The following MEOX1 variants were observed in gnomAD, a reference collection of about 807,000 sequenced individuals.
MEOX1 encodes mesenchyme homeobox 1, also known as homeobox protein MOX-1.
Under a neutral mutation model 23.2 loss-of-function variants are expected in MEOX1, and 17 were observed. That is an observed-to-expected ratio of 0.73 (90% CI 0.50 to 1.10). MEOX1 has a LOEUF of 1.10. Ranked by LOEUF, MEOX1 falls within the 50% of genes least tolerant of loss-of-function variation. MEOX1 has a pLI of 0.00. For synonymous variants in MEOX1, 134 were observed against 135.1 expected (o/e 0.99, Z 0.06); for missense variants, 333 against 332.2 (o/e 1.00, Z -0.02).
At chr17:43,656,554 C>G (rs763642768) in intron 1 of MEOX1, among the ~76,000 whole-genome samples, 1 of 152,120 alleles carries the variant, frequency 6.6e-6, no homozygotes, top group Non-Finnish European at 1.5e-5. Flanking sequence ...GGCAGGACAG[C>G]TCTGGGAACA....
rs748918025 is a variant in MEOX1 at position 43,661,037 on chromosome 17, G to T, written c.469+29C>A. ...ACTTCCCCAGGGTCACACAGTAAAG[G>T]AATGATCAGCTGCTCCTGAGCCACC... is the stretch of plus-strand genomic sequence containing the variant. On this transcript the variant is annotated intron_variant, in intron 1 of 2. Transcript: ENST00000318579. 35 of 1,409,194 alleles carry T rather than the reference G, an allele frequency of 2.5e-5. No homozygotes were observed. In the East Asian group the frequency reaches 8.0e-4, roughly 32 times the overall value. 87.3% of individuals were successfully genotyped at this position (1,409,194 alleles called of 1,614,324 possible). A position where few individuals can be genotyped will look rare whatever the true frequency, so the allele number is the denominator to read the frequency against.
At position 43,641,950 on chromosome 17, in the gene MEOX1, G is replaced by A; in HGVS notation, c.725C>T (p.Pro242Leu). ...GQPISPNGQDPEDGDSTASPS... is the reference protein window; with the variant it reads ...GQPISPNGQDLEDGDSTASPS... ...AGAGGCTGTGGAGTCCCCATCCTCA[G>A]GGTCCTGCCCATTGGGGGAGATGGG... The change falls in exon 3 of 3, where the codon CCT becomes CTT. Residue 242 changes from proline to leucine, a missense_variant. Pro to Leu is a moderately conservative substitution (Grantham distance 98, BLOSUM62 -3). Coordinates refer to ENST00000318579, the MANE Select transcript of MEOX1 (RefSeq NM_004527.4). 1 of 1,614,034 alleles carries A rather than the reference G, an allele frequency of 6.2e-7. No homozygotes were observed. The highest frequency in any genetic ancestry group is 8.5e-7 in the Non-Finnish European group (1 of 1,179,966).
chr17:43,648,193 G>T (rs1966347), intron 1 of MEOX1, among the ~76,000 whole-genome samples: 23,880 of 152,206 alleles, frequency 0.16, 2,099 homozygotes, highest in East Asian at 0.22. Context: ...GCTGGGTGGG[G>T]CGCAGGTGGC....
At chr17:43,651,274 G>A (rs1301919537) in intron 1 of MEOX1, among the ~76,000 whole-genome samples, 1 of 152,130 alleles carries the variant, frequency 6.6e-6, no homozygotes, top group African/African-American at 2.4e-5. Context: ...AGCCTAGATC[G>A]TGCCACTGCA....
intron 1 of MEOX1, among the ~76,000 whole-genome samples, chr17:43,652,858 GTC>G (rs1418040083): frequency 8.3e-6 from 1 of 120,230 alleles, no homozygotes; most frequent in Non-Finnish European, 1.6e-5. Flanking sequence ...TTGAGACGGA[GTC>G]TCACTCTGTC....
Position 43,661,660 on chromosome 17 carries a change from AC to A in MEOX1, c.-127del. On this transcript the variant is annotated 5_prime_UTR_variant, in exon 1 of 3. Coordinates refer to ENST00000318579, the MANE Select transcript of MEOX1 (RefSeq NM_004527.4). ...GGGAAAAATGTTCAACAGAAAATTTACCCCAGGAACCAAAAAAAAAAAAAAA... is the reference window on the plus strand; with the variant it reads ...GGGAAAAATGTTCAACAGAAAATTTACCCAGGAACCAAAAAAAAAAAAAAA... 1 of 526,352 alleles carries A rather than the reference AC, an allele frequency of 1.9e-6. No individual in the cohort carries two copies. The highest frequency in any genetic ancestry group is 3.0e-6 in the Non-Finnish European group (1 of 332,438). The allele number at this position is 526,352 out of a possible 1,614,324, so 32.6% of individuals were successfully genotyped here.
In MEOX1 at chr17:43,661,321, G is replaced by T. The variant is rs1300472832; in HGVS notation, c.214C>A (p.His72Asn). 1 of 1,613,144 alleles carries T rather than the reference G, an allele frequency of 6.2e-7. No individual in the cohort carries two copies. Among genetic ancestry groups the T allele is most frequent in the Non-Finnish European group, 8.5e-7 (1 of 1,179,460 alleles). Residue 72 changes from histidine (H) to asparagine (N), a missense_variant, in exon 1 of 3, where the codon CAC becomes AAC. His to Asn is a moderately conservative substitution (Grantham distance 68). Transcript: ENST00000318579. Reference protein sequence around the residue: ...FSASCLAATPHSLPQEEHIFT... With the variant: ...FSASCLAATPNSLPQEEHIFT... The stretch of plus-strand genomic sequence containing the variant: ...ATGTGCTCCTCCTGGGGCAGGCTGT[G>T]TGGGGTGGCTGCCAGGCAGGAGGCT...
At chr17:43,654,145 T>C (rs1171478300) in intron 1 of MEOX1, among the ~76,000 whole-genome samples, 1 of 152,190 alleles carries the variant, frequency 6.6e-6, no homozygotes, top group Non-Finnish European at 1.5e-5. Flanking sequence ...TATTTGGACA[T>C]AGGGCCTTTA....
chr17:43,645,399 G>T (rs1049717457), intron 1 of MEOX1, among the ~76,000 whole-genome samples: 1 of 152,014 alleles, frequency 6.6e-6, no homozygotes, highest in African/African-American at 2.4e-5. Context: ...GGATGATCTC[G>T]ATCTCCTGAC....
rs1051616972 is a variant in MEOX1 at position 43,641,043 on chromosome 17, C to G, written c.*867G>C. 2.6e-5 allele frequency: 4 copies of G among 152,120 alleles called. No individual in the cohort carries two copies. Among genetic ancestry groups the G allele is most frequent in the African/African-American group, 7.2e-5 (3 of 41,400 alleles). 9.4% of individuals were successfully genotyped at this position (152,120 alleles called of 1,614,324 possible). ...GTTGTTCAGCCCAACAACTCAGCAT[C>G]TGGACAGGTTTTCAATCCAGAAATC... On this transcript the variant is annotated 3_prime_UTR_variant, in exon 3 of 3. Coordinates refer to ENST00000318579, the MANE Select transcript of MEOX1 (RefSeq NM_004527.4).
chr17:43,660,538 C>T (rs920118573), intron 1 of MEOX1, among the ~76,000 whole-genome samples: 4 of 152,206 alleles, frequency 2.6e-5, no homozygotes, highest in African/African-American at 4.8e-5. Flanking sequence ...CCATCCCAGC[C>T]GCAGGCCTGC....
At chr17:43,643,379 G>T in intron 2 of MEOX1, 109 bp downstream of exon 2, 1 of 1,068,196 alleles carries the variant, frequency 9.4e-7, no homozygotes, top group Non-Finnish European at 1.3e-6. Flanking sequence ...AAAACCGCTG[G>T]ACTGGCTGGA....
intron 1 of MEOX1, among the ~76,000 whole-genome samples, chr17:43,648,811 T>C (rs1379083063): frequency 6.6e-6 from 1 of 152,228 alleles, no homozygotes; most frequent in Non-Finnish European, 1.5e-5. Context: ...GTGTGCTCTG[T>C]TCCAAAGCCC....
intron 1 of MEOX1, among the ~76,000 whole-genome samples, chr17:43,655,332 G>A (rs1225830518): frequency 6.6e-6 from 1 of 151,826 alleles, no homozygotes; most frequent in East Asian, 2.0e-4. Context: ...TTAGCTGGGC[G>A]TGGTGGCGTG....
intron 1 of MEOX1, among the ~76,000 whole-genome samples, chr17:43,660,564 C>A (rs569772525): frequency 6.6e-6 from 1 of 152,222 alleles, no homozygotes; most frequent in African/African-American, 2.4e-5. Context: ...TGCCTCTAGG[C>A]TCCTGGACAC....
chr17:43,643,595 T>C lies in MEOX1; in HGVS notation c.535A>G (p.Thr179Ala). ...SKARKERTAF[T>A]KEQLRELEAE... ...TCCAGCTCTCGCAGCTGCTCCTTGG[T>C]GAAGGCCGTCCTCTCCTTGCGGGCT... The change falls in exon 2 of 3, where the codon ACC (threonine) becomes GCC (alanine). Residue 179 changes from threonine to alanine, a missense_variant. By Grantham distance (58) the Thr-to-Ala change is moderately conservative. Coordinates refer to ENST00000318579, the MANE Select transcript of MEOX1 (RefSeq NM_004527.4). 5 of 1,613,442 alleles carry C rather than the reference T, an allele frequency of 3.1e-6. No individual in the cohort carries two copies. Among genetic ancestry groups the C allele is most frequent in the Non-Finnish European group, 4.2e-6 (5 of 1,179,898 alleles).
intron 1 of MEOX1, among the ~76,000 whole-genome samples, chr17:43,645,710 G>A (rs897204788): frequency 6.6e-6 from 1 of 152,244 alleles, no homozygotes; most frequent in African/African-American, 2.4e-5. Flanking sequence ...AGTCGGCTAA[G>A]CAGCCGCATT....
rs189575498 is a variant in MEOX1, at chr17:43,643,416, G to C, written c.642+72C>G. The stretch of plus-strand genomic sequence containing the variant: ...GAAGAAAAAGGAGAAGGTCCAGGGA[G>C]GGGTGGTGGGAAAGGAGGGAAGGGA... On this transcript the variant is annotated intron_variant, in intron 2 of 2. Transcript: ENST00000318579. 2.4e-5 allele frequency: 33 copies of C among 1,372,874 alleles called. No individual in the cohort carries two copies. In the Admixed American group the frequency reaches 6.3e-4, roughly 26 times the overall value. 85.0% of individuals were successfully genotyped at this position (1,372,874 alleles called of 1,614,324 possible).
chr17:43,643,352 A>T, intron 2 of MEOX1, 136 bp downstream of exon 2: 1 of 743,714 alleles, frequency 1.3e-6, no homozygotes, highest in Non-Finnish European at 2.0e-6. Context: ...GGCTATTCTC[A>T]GGTGTGGCCA....
Sources: allele counts gnomAD v4.1 joint callset (sites outside exome capture counted in the v4.1 genomes callset), GRCh38; gene constraint gnomAD v4.1.1; transcripts MANE v1.5; gene names NCBI Gene and HGNC (gene_info 2026-07-23, HGNC 2026-07-21).